WSCD2: variants seen among roughly 807,000 people sequenced by gnomAD.
The protein encoded by WSCD2 is WSC domain sialate O sulfotransferase 2.
A neutral mutation model predicts 55.7 loss-of-function variants in WSCD2; 28 were observed. The observed-to-expected ratio is 0.50, with a 90% CI of 0.37 to 0.69. WSCD2 has a LOEUF of 0.69. Ranked by LOEUF, WSCD2 falls within the 30% of genes least tolerant of loss-of-function variation. The probability of loss-of-function intolerance (pLI) is 0.00; values close to 1 mark genes in which losing one functional copy is unlikely to be tolerated. For missense variants in WSCD2, 616 were observed against 762.1 expected (o/e 0.81, Z 2.26); for synonymous variants, 301 against 301.9 (o/e 1.00, Z 0.03).
At chr12:108,206,490 G>A in intron 3 of WSCD2, 87 bp downstream of exon 3, 3 of 1,359,316 alleles carry the variant, frequency 2.2e-6, no homozygotes, top group South Asian at 1.2e-5. Flanking sequence ...TGCTATGGGA[G>A]GGTGTGTTGA....
At chr12:108,166,783 TTCTTTCTGTCTTTCTTTCTTTC>T (rs1879694118) in intron 1 of WSCD2, among the ~76,000 whole-genome samples, 1 of 149,522 alleles carries the variant, frequency 6.7e-6, no homozygotes, top group African/African-American at 2.5e-5. Flanking sequence ...CTTTCTTTCT[TTCTTTCTGTCTTTCTTTCTTTC>T]TCTCTTTTTT....
intron 1 of WSCD2, among the ~76,000 whole-genome samples, chr12:108,158,100 C>A (rs949251338): frequency 1.3e-5 from 2 of 152,134 alleles, no homozygotes; most frequent in South Asian, 4.1e-4. Context: ...ATGTCTGAGG[C>A]TGTGAGCCCG....
intron 1 of WSCD2, among the ~76,000 whole-genome samples, chr12:108,146,916 T>C (rs1418878394): frequency 1.3e-5 from 2 of 152,222 alleles, no homozygotes; most frequent in African/African-American, 4.8e-5. Flanking sequence ...ATTAACTCAT[T>C]AACAATGAAC....
rs535464153 is a variant in WSCD2 at position 108,193,546 on chromosome 12, G to A, written c.-551-1736G>A. Among the ~76,000 whole-genome samples, 5 of 152,250 alleles carry A rather than the reference G, an allele frequency of 3.3e-5. No individual in the cohort carries two copies. In the South Asian group the frequency reaches 1.0e-3, roughly 32 times the overall value. On this transcript the variant is annotated intron_variant, in intron 1 of 8. Transcript: ENST00000547525. ...AGATTAATGAATAGATTAATGGTAG[G>A]TGGATGGATGGTTCAATGAATAGAT... is the stretch of plus-strand genomic sequence containing the variant.
At chr12:108,225,161 A>G (rs976022780) in intron 5 of WSCD2, among the ~76,000 whole-genome samples, 1 of 152,204 alleles carries the variant, frequency 6.6e-6, no homozygotes, top group African/African-American at 2.4e-5. Flanking sequence ...CAGATTGGGT[A>G]ATTCATTTGA....
At chr12:108,217,266 A>G (rs1456749264) in intron 4 of WSCD2, among the ~76,000 whole-genome samples, 2 of 152,358 alleles carry the variant, frequency 1.3e-5, no homozygotes, top group African/African-American at 4.8e-5. Context: ...ACAAGAAAGC[A>G]TCTTTTCACT....
At chr12:108,160,680 A>G (rs1019894588) in intron 1 of WSCD2, among the ~76,000 whole-genome samples, 2 of 152,192 alleles carry the variant, frequency 1.3e-5, no homozygotes, top group African/African-American at 4.8e-5. Flanking sequence ...ACAATTGACC[A>G]TGATATTTGG....
chr12:108,173,820 G>C (rs1293092625), intron 1 of WSCD2, among the ~76,000 whole-genome samples: 30 of 149,316 alleles, frequency 2.0e-4, no homozygotes, highest in East Asian at 1.2e-3. Context: ...CTGTGTGTGT[G>C]TGTGTGTGTG....
chr12:108,211,993 A>G (rs980997154), intron 4 of WSCD2, among the ~76,000 whole-genome samples: 12 of 152,048 alleles, frequency 7.9e-5, no homozygotes, highest in Non-Finnish European at 1.6e-4. Flanking sequence ...GCTCCATTCA[A>G]GCTTTGCTGT....
At chr12:108,137,339 G>A (rs1876330710) in intron 1 of WSCD2, among the ~76,000 whole-genome samples, 1 of 152,204 alleles carries the variant, frequency 6.6e-6, no homozygotes, top group African/African-American at 2.4e-5. Context: ...AATTACTCCA[G>A]TGCCCATATC....
At chr12:108,175,273 T>C (rs1396428249) in intron 1 of WSCD2, among the ~76,000 whole-genome samples, 2 of 152,146 alleles carry the variant, frequency 1.3e-5, no homozygotes. Context: ...AAAATGTCAG[T>C]AGTGCAGAGG....
At chr12:108,154,895 C>T (rs956738171) in intron 1 of WSCD2, among the ~76,000 whole-genome samples, 5 of 152,052 alleles carry the variant, frequency 3.3e-5, no homozygotes, top group Non-Finnish European at 7.3e-5. Context: ...TGTAACTATT[C>T]CCATTAAAAT....
At chr12:108,219,709 A>G (rs926832444) in intron 4 of WSCD2, among the ~76,000 whole-genome samples, 6 of 152,220 alleles carry the variant, frequency 3.9e-5, no homozygotes, top group African/African-American at 1.4e-4. Context: ...TCAAGAAAGG[A>G]CCCACATTAC....
rs983784333 is a variant in WSCD2 at position 108,141,849 on chromosome 12, T to A, written c.-552+11923T>A. ...AACCTTGTAAAGAGTTTAAGTAAAGTGGAGTTGAATGATTCCATTAAACCC... is the reference window on the plus strand; with the variant it reads ...AACCTTGTAAAGAGTTTAAGTAAAGAGGAGTTGAATGATTCCATTAAACCC... On this transcript the variant is annotated intron_variant, in intron 1 of 8. Transcript: ENST00000547525. Among the ~76,000 whole-genome samples, 8 of 152,116 alleles carry A rather than the reference T, an allele frequency of 5.3e-5. No individual in the cohort carries two copies. The East Asian group carries it at 1.5e-3, about 29-fold the overall frequency.
chr12:108,208,058 T>G (rs1885642086), intron 3 of WSCD2, among the ~76,000 whole-genome samples: 1 of 152,154 alleles, frequency 6.6e-6, no homozygotes, highest in Non-Finnish European at 1.5e-5. Flanking sequence ...CCAAGATAAG[T>G]CAGAGCTACT....
At chr12:108,214,155 C>T (rs912108310) in intron 4 of WSCD2, among the ~76,000 whole-genome samples, 1 of 152,210 alleles carries the variant, frequency 6.6e-6, no homozygotes, top group Non-Finnish European at 1.5e-5. Context: ...AACCAGATTT[C>T]ATTTGTAGAG....
intron 7 of WSCD2, among the ~76,000 whole-genome samples, chr12:108,237,978 C>T (rs1480644564): frequency 1.3e-5 from 2 of 152,194 alleles, no homozygotes; most frequent in African/African-American, 4.8e-5. Flanking sequence ...TTCTGGTATA[C>T]CCCCTGCCTG....
At chr12:108,182,344 T>A (rs1881888916) in intron 1 of WSCD2, among the ~76,000 whole-genome samples, 1 of 152,236 alleles carries the variant, frequency 6.6e-6, no homozygotes. Context: ...GAGGCATGAC[T>A]GTCTCCCGGA....
At chr12:108,220,730 G>A (rs562618685) in intron 4 of WSCD2, among the ~76,000 whole-genome samples, 35 of 152,234 alleles carry the variant, frequency 2.3e-4, no homozygotes, top group African/African-American at 8.2e-4. Flanking sequence ...TAGAGATAGG[G>A]TCTTGCTGTG....
Sources: allele counts gnomAD v4.1 joint callset (sites outside exome capture counted in the v4.1 genomes callset), GRCh38; gene constraint gnomAD v4.1.1; transcripts MANE v1.5; gene names NCBI Gene and HGNC (gene_info 2026-07-23, HGNC 2026-07-21).